EML1: variants seen among roughly 807,000 people sequenced by gnomAD.
EML1 encodes the protein EMAP like 1.
Under a neutral mutation model 110.4 loss-of-function variants are expected in EML1, and 27 were observed. The observed-to-expected ratio is 0.24, with a 90% CI of 0.18 to 0.34. The LOEUF (loss-of-function observed/expected upper bound fraction) is 0.34, where lower values mean the gene tolerates loss of function less well. Ranked by LOEUF, EML1 falls within the 10% of genes least tolerant of loss-of-function variation. The probability of loss-of-function intolerance (pLI) is 1.00; values close to 1 mark genes in which losing one functional copy is unlikely to be tolerated. For synonymous variants in EML1, 344 were observed against 385.8 expected (o/e 0.89, Z 1.27); for missense variants, 741 against 1,030.9 (o/e 0.72, Z 3.85).
intron 17 of EML1, among the ~76,000 whole-genome samples, chr14:99,934,966 A>G (rs2060441769): frequency 6.6e-6 from 1 of 152,182 alleles, no homozygotes. Flanking sequence ...ACCCAGGGGA[A>G]GAACATACCA....
chr14:99,824,159 T>C (rs575733949), intron 1 of EML1, among the ~76,000 whole-genome samples: 1 of 152,040 alleles, frequency 6.6e-6, no homozygotes, highest in Non-Finnish European at 1.5e-5. Flanking sequence ...GGGGTTTCAC[T>C]ATGTTGGTCT....
At chr14:99,794,242 T>G (rs1330455340) in intron 1 of EML1, among the ~76,000 whole-genome samples, 1 of 152,240 alleles carries the variant, frequency 6.6e-6, no homozygotes, top group Non-Finnish European at 1.5e-5. Flanking sequence ...TTGAAAGATT[T>G]CAGTCTCATT....
At position 99,757,352 on chromosome 14, in the gene EML1, A is replaced by G. The variant is rs554485789; in HGVS notation, c.28+19492A>G. Among the ~76,000 whole-genome samples the G allele has an allele frequency of 7.2e-5, 11 of 152,274 alleles. No homozygotes were observed. In the East Asian group the frequency reaches 1.9e-3, roughly 27 times the overall value. The stretch of plus-strand genomic sequence containing the variant: ...CGACTCCATTTCAAAAAAAAAAAAA[A>G]AAGAATTGTTAAAAATTTCAAGACT... On this transcript the variant is annotated intron_variant, in intron 1 of 10. Transcript: ENST00000554479.
At chr14:99,814,503 G>A (rs1404094943) in intron 1 of EML1, among the ~76,000 whole-genome samples, 1 of 152,054 alleles carries the variant, frequency 6.6e-6, no homozygotes, top group African/African-American at 2.4e-5. Context: ...GGTCTCAAGT[G>A]CTCTTCCTGC....
At chr14:99,741,970 C>T (rs1364898850) in intron 1 of EML1, among the ~76,000 whole-genome samples, 1 of 152,220 alleles carries the variant, frequency 6.6e-6, no homozygotes, top group Non-Finnish European at 1.5e-5. Context: ...TTGGATGCTA[C>T]AGGCCTGTCT....
chr14:99,857,839 ATTACT>A (rs1002290524), intron 2 of EML1, among the ~76,000 whole-genome samples: 1 of 152,190 alleles, frequency 6.6e-6, no homozygotes, highest in African/African-American at 2.4e-5. Flanking sequence ...TTGTTAATAA[ATTACT>A]TTATGAAATC....
chr14:99,794,404 G>GA lies in EML1; in HGVS notation c.67+870dup, dbSNP rs548958055. Among the ~76,000 whole-genome samples the GA allele has an allele frequency of 5.4e-4, 80 of 148,400 alleles. 2 individuals carry two copies. Among genetic ancestry groups the GA allele is most frequent in the Middle Eastern group, 3.4e-3 (1 of 292 alleles). On this transcript the variant is annotated intron_variant, in intron 1 of 21. Transcript: ENST00000262233. The stretch of plus-strand genomic sequence containing the variant: ...AAGGGCCCCAAAAGTTTGTTAATGG[G>GA]AAAAAAAAATGTGTATTTGATAGAA...
intron 2 of EML1, among the ~76,000 whole-genome samples, chr14:99,851,756 G>C (rs781541126): frequency 2.0e-5 from 3 of 152,084 alleles, no homozygotes; most frequent in Non-Finnish European, 4.4e-5. Context: ...CTGTCATTCA[G>C]TTCAGCATAG....
chr14:99,813,920 C>T (rs2058122998), intron 1 of EML1, among the ~76,000 whole-genome samples: 1 of 152,170 alleles, frequency 6.6e-6, no homozygotes, highest in Admixed American at 6.5e-5. Flanking sequence ...TTGCTGGTGC[C>T]TGGGTCAGCT....
At chr14:99,890,353 G>GCTCCCTTGGT (rs1302022685) in intron 4 of EML1, among the ~76,000 whole-genome samples, 1 of 152,174 alleles carries the variant, frequency 6.6e-6, no homozygotes, top group African/African-American at 2.4e-5. Flanking sequence ...CCCTCCCTGA[G>GCTCCCTTGGT]CTCCCTTGGT....
intron 6 of EML1, among the ~76,000 whole-genome samples, chr14:99,896,867 TAA>T: frequency 6.6e-6 from 1 of 152,184 alleles, no homozygotes; most frequent in East Asian, 1.9e-4. Context: ...TAGATTACAG[TAA>T]AAAAATTAAT....
chr14:99,802,143 A>G (rs2057893095), intron 1 of EML1, among the ~76,000 whole-genome samples: 1 of 151,968 alleles, frequency 6.6e-6, no homozygotes, highest in Non-Finnish European at 1.5e-5. Context: ...GAGTGGGGAG[A>G]GCCATTCGGG....
chr14:99,898,076 C>T (rs1332840874), intron 7 of EML1, among the ~76,000 whole-genome samples, 157 bp from the exon 8 acceptor site: 1 of 152,158 alleles, frequency 6.6e-6, no homozygotes, highest in Non-Finnish European at 1.5e-5. Flanking sequence ...TACTAGTTGT[C>T]TAACGTCGTG....
intron 1 of EML1, among the ~76,000 whole-genome samples, chr14:99,740,309 A>G (rs1241723938): frequency 6.6e-6 from 1 of 152,194 alleles, no homozygotes; most frequent in Non-Finnish European, 1.5e-5. Context: ...GTTAGCACAG[A>G]AGCCAGGTTA....
At chr14:99,752,086 A>G (rs1375140017) in intron 1 of EML1, among the ~76,000 whole-genome samples, 2 of 152,116 alleles carry the variant, frequency 1.3e-5, no homozygotes, top group Admixed American at 6.6e-5. Flanking sequence ...CTCCAGAGAC[A>G]CCGTTAATCG....
chr14:99,763,817 G>A (rs1299891234), intron 1 of EML1, among the ~76,000 whole-genome samples: 1 of 152,180 alleles, frequency 6.6e-6, no homozygotes, highest in African/African-American at 2.4e-5. Context: ...CAGGGCAGCA[G>A]GGAGCACCGG....
At chr14:99,759,593 G>A (rs1366205980) in intron 1 of EML1, among the ~76,000 whole-genome samples, 2 of 152,224 alleles carry the variant, frequency 1.3e-5, no homozygotes, top group Non-Finnish European at 2.9e-5. Flanking sequence ...CTGACAGCCT[G>A]GGAAGGAATC....
In EML1 at chr14:99,939,292, G is replaced by A; in HGVS notation, c.2287G>A (p.Val763Met). The change falls in exon 21 of 22, where the codon GTG (valine) becomes ATG (methionine). Residue 763 changes from valine to methionine, a missense_variant. Physicochemically the swap from Val to Met is conservative, Grantham distance 21 (BLOSUM62 1). Around this residue, in one of 4 missense-constraint regions of EML1, gnomAD observed 114 missense variants for 122.5 expected, o/e 0.93. Coordinates refer to ENST00000262233, the MANE Select transcript of EML1 (RefSeq NM_004434.3). This position sits in a 1 kb window ranked among gnomAD's most constrained non-coding sequence, Gnocchi z 4.2. ...GTCAACAGGCGACGACTTTGGCAAA[G>A]TGCACCTCTTCTCATACCCCTGCTC... is the stretch of plus-strand genomic sequence containing the variant. ...LLSTGDDFGK[V>M]HLFSYPCSQF... 1.2e-6 allele frequency: 2 copies of A among 1,614,242 alleles called. No individual in the cohort carries two copies. Among genetic ancestry groups the A allele is most frequent in the Non-Finnish European group, 1.7e-6 (2 of 1,180,044 alleles).
At position 99,900,181 on chromosome 14, in the gene EML1, CTTTTTT is replaced by C. The variant is rs3071437; in HGVS notation, c.898-729_898-724del. Among the ~76,000 whole-genome samples, 678 of 106,608 alleles carry C rather than the reference CTTTTTT, an allele frequency of 6.4e-3. 2 individuals carry two copies. Among genetic ancestry groups the C allele is most frequent in the African/African-American group, 0.017 (484 of 28,614 alleles). 69.9% of individuals were successfully genotyped at this position (106,608 alleles called of 152,430 possible). On this transcript the variant is annotated intron_variant, in intron 8 of 21. Transcript: ENST00000262233. ...CTGTTTTGCCCAAGAATATTAAGCT[CTTTTTT>C]TTTTTTTTTTTTTTTTTTGAGACAG...
Sources: allele counts gnomAD v4.1 joint callset (sites outside exome capture counted in the v4.1 genomes callset), GRCh38; gene constraint gnomAD v4.1.1; regional missense constraint gnomAD v4.1.1; non-coding constraint Gnocchi (gnomAD v3.1); transcripts MANE v1.5; gene names NCBI Gene and HGNC (gene_info 2026-07-23, HGNC 2026-07-21).